Variants in MAP2K1 observed in about 807,000 individuals in gnomAD.
MAP2K1 encodes the protein dual specificity mitogen-activated protein kinase kinase 1.
MAP2K1 carries 16 observed loss-of-function variants against 46.3 expected under a neutral mutation model. That is an observed-to-expected ratio of 0.35 (90% CI 0.23 to 0.52). The LOEUF (loss-of-function observed/expected upper bound fraction) is 0.52. Ranked by LOEUF, MAP2K1 falls within the 20% of genes least tolerant of loss-of-function variation. MAP2K1 has a pLI of 0.94. For synonymous variants in MAP2K1, 183 were observed against 185.6 expected, an observed-to-expected ratio of 0.99 and a Z score of 0.11; for missense variants, 263 against 497.1, an observed-to-expected ratio of 0.53 and a Z score of 4.48.
chr15:66,402,635 AC>A (rs1384781058), intron 1 of MAP2K1, among the ~76,000 whole-genome samples: 14 of 152,144 alleles, frequency 9.2e-5, no homozygotes, highest in Non-Finnish European at 1.5e-4. Flanking sequence ...TATTTCAAAT[AC>A]GTAACATTTT....
intron 5 of MAP2K1, among the ~76,000 whole-genome samples, chr15:66,477,880 G>A (rs1892795013): frequency 6.6e-6 from 1 of 152,100 alleles, no homozygotes; most frequent in Non-Finnish European, 1.5e-5. Context: ...TCCATTTTCA[G>A]CATCATTTTC....
chr15:66,394,945 C>T (rs370132534), intron 1 of MAP2K1, among the ~76,000 whole-genome samples: 129 of 152,276 alleles, frequency 8.5e-4, no homozygotes, highest in Middle Eastern at 6.8e-3. Flanking sequence ...ACAGTAATAG[C>T]AAAGAAAGTC....
At chr15:66,469,719 C>CACACACACACACACACACAT (rs968491730) in intron 5 of MAP2K1, among the ~76,000 whole-genome samples, 1 of 144,866 alleles carries the variant, frequency 6.9e-6, no homozygotes, top group African/African-American at 2.5e-5. Flanking sequence ...CACACACACA[C>CACACACACACACACACACAT]ACACATATCG....
At chr15:66,420,912 C>CACAT (rs200327595) in intron 1 of MAP2K1, among the ~76,000 whole-genome samples, 2 of 130,370 alleles carry the variant, frequency 1.5e-5, no homozygotes, top group African/African-American at 5.7e-5. Flanking sequence ...TACATACACA[C>CACAT]ACATACATAC....
At chr15:66,420,759 GTATGTGTGTATATATATGTGTA>G (rs1460053348) in intron 1 of MAP2K1, among the ~76,000 whole-genome samples, 418 of 39,908 alleles carry the variant, frequency 0.01, 25 homozygotes, top group Middle Eastern at 0.04. Context: ...GTGTGTGTGT[GTATGTGTGTATATATATGTGTA>G]TATATATGTG....
chr15:66,411,722 CA>C (rs1267174533), intron 1 of MAP2K1, among the ~76,000 whole-genome samples: 3 of 152,258 alleles, frequency 2.0e-5, no homozygotes, highest in African/African-American at 7.2e-5. Flanking sequence ...TGGTGTCATC[CA>C]AAATCACATT....
chr15:66,396,273 G>A (rs139469901), intron 1 of MAP2K1, among the ~76,000 whole-genome samples: 2,116 of 151,388 alleles, frequency 0.014, 27 homozygotes, highest in South Asian at 0.042. Flanking sequence ...GTGAGTCACC[G>A]TGCCCGGCCC....
intron 1 of MAP2K1, among the ~76,000 whole-genome samples, chr15:66,416,213 C>T (rs926177163): frequency 6.6e-6 from 1 of 152,118 alleles, no homozygotes; most frequent in African/African-American, 2.4e-5. Context: ...CCATAGCTCC[C>T]AATGCCTACC....
intron 1 of MAP2K1, among the ~76,000 whole-genome samples, chr15:66,421,354 T>C (rs1278185931): frequency 6.6e-6 from 1 of 152,050 alleles, no homozygotes; most frequent in African/African-American, 2.4e-5. Flanking sequence ...CAGGCTGGTC[T>C]CAAACTCCTG....
chr15:66,389,060 C>T (rs549147563), intron 1 of MAP2K1, among the ~76,000 whole-genome samples: 2 of 152,038 alleles, frequency 1.3e-5, no homozygotes, highest in South Asian at 4.2e-4. Context: ...GCATGCGCCA[C>T]CATGCCCGGC....
intron 1 of MAP2K1, among the ~76,000 whole-genome samples, chr15:66,390,396 G>A (rs1025011359): frequency 4.6e-5 from 7 of 152,122 alleles, no homozygotes; most frequent in East Asian, 1.9e-4. Context: ...AATTTTGAAC[G>A]TTATCAGACA....
At chr15:66,433,094 C>T (rs1417952776) in intron 1 of MAP2K1, among the ~76,000 whole-genome samples, 2 of 151,678 alleles carry the variant, frequency 1.3e-5, no homozygotes, top group Non-Finnish European at 2.9e-5. Context: ...GGTCCATCTA[C>T]ATTTGACATG....
intron 1 of MAP2K1, among the ~76,000 whole-genome samples, chr15:66,430,401 C>T (rs1164335498): frequency 6.6e-6 from 1 of 152,200 alleles, no homozygotes; most frequent in East Asian, 1.9e-4. Flanking sequence ...GGCAAGGCTG[C>T]CATCGAGGCT....
chr15:66,452,650 A>G (rs1892064258), intron 5 of MAP2K1, among the ~76,000 whole-genome samples: 1 of 152,198 alleles, frequency 6.6e-6, no homozygotes, highest in African/African-American at 2.4e-5. Flanking sequence ...CTGGTGGAGT[A>G]AAGGCATCCC....
At chr15:66,475,770 T>TC (rs1892742187) in intron 5 of MAP2K1, among the ~76,000 whole-genome samples, 2 of 152,166 alleles carry the variant, frequency 1.3e-5, no homozygotes, top group South Asian at 4.1e-4. Flanking sequence ...GACCACATCT[T>TC]CATCTTTGCC....
intron 1 of MAP2K1, among the ~76,000 whole-genome samples, chr15:66,422,917 A>T (rs1266838197): frequency 6.6e-6 from 1 of 150,516 alleles, no homozygotes; most frequent in Non-Finnish European, 1.5e-5. Flanking sequence ...GATTTCTTTT[A>T]TTCTTTTTTT....
At position 66,427,970 on chromosome 15, in the gene MAP2K1, C is replaced by T. The variant is rs561013082; in HGVS notation, c.81-7057C>T. ...TGAAGGTTGCAGTAAACCGAGATTG[C>T]GCCATTGCATTCCAGCCTAGGCAAC... On this transcript the variant is annotated intron_variant, in intron 1 of 10. Coordinates refer to ENST00000307102, the MANE Select transcript of MAP2K1 (RefSeq NM_002755.4). Among the ~76,000 whole-genome samples the T allele has an allele frequency of 1.6e-3, 248 of 152,156 alleles. 2 individuals carry two copies. Among genetic ancestry groups the T allele is most frequent in the South Asian group, 0.016 (76 of 4,816 alleles).
At chr15:66,465,013 A>G (rs1264580186) in intron 5 of MAP2K1, among the ~76,000 whole-genome samples, 1 of 151,398 alleles carries the variant, frequency 6.6e-6, no homozygotes, top group African/African-American at 2.4e-5. Flanking sequence ...ACCTGAGGTC[A>G]GGAGTTCAAG....
At chr15:66,481,058 G>A (rs1892901849) in intron 5 of MAP2K1, among the ~76,000 whole-genome samples, 1 of 152,166 alleles carries the variant, frequency 6.6e-6, no homozygotes, top group Non-Finnish European at 1.5e-5. Flanking sequence ...TGCAAGGAAG[G>A]GGGATGGGGG....
Sources: allele counts gnomAD v4.1 joint callset (sites outside exome capture counted in the v4.1 genomes callset), GRCh38; gene constraint gnomAD v4.1.1; transcripts MANE v1.5; gene names NCBI Gene and HGNC (gene_info 2026-07-23, HGNC 2026-07-21).